The following EFCAB6 variants were observed in gnomAD, a reference collection of about 807,000 sequenced individuals.
The protein encoded by EFCAB6 is EF-hand calcium binding domain 6, also known as EF-hand calcium-binding domain-containing protein 6.
Under a neutral mutation model 169.8 loss-of-function variants are expected in EFCAB6, and 156 were observed. That is an observed-to-expected ratio of 0.92 (90% CI 0.81 to 1.05). EFCAB6 has a LOEUF of 1.05. EFCAB6 is among the 50% of genes least tolerant of loss of function. The pLI, the probability that EFCAB6 is intolerant of heterozygous loss-of-function variation, is 0.00. For missense variants in EFCAB6, 1,800 were observed against 1,829.1 expected (o/e 0.98, Z 0.29); for synonymous variants, 698 against 676.4 (o/e 1.03, Z -0.50).
intron 24 of EFCAB6, among the ~76,000 whole-genome samples, chr22:43,589,364 G>A (rs550523591): frequency 7.3e-6 from 1 of 136,790 alleles, no homozygotes; most frequent in East Asian, 2.6e-4. Flanking sequence ...CAGTCAACAG[G>A]ATTGGAAGTT....
intron 23 of EFCAB6, among the ~76,000 whole-genome samples, chr22:43,598,857 G>A (rs576762600): frequency 6.6e-6 from 1 of 152,174 alleles, no homozygotes; most frequent in South Asian, 2.1e-4. Context: ...TTGAGATGAT[G>A]GATATACCGA....
intron 26 of EFCAB6, among the ~76,000 whole-genome samples, chr22:43,574,268 A>AAT (rs893406354): frequency 6.6e-6 from 1 of 152,208 alleles, no homozygotes; most frequent in African/African-American, 2.4e-5. Flanking sequence ...AAGATACATG[A>AAT]ATATATACAC....
chr22:43,635,628 GT>G (rs1166520854), intron 17 of EFCAB6, among the ~76,000 whole-genome samples: 1 of 152,140 alleles, frequency 6.6e-6, no homozygotes, highest in Non-Finnish European at 1.5e-5. Flanking sequence ...GAAAACTGAA[GT>G]TTTCATTCAA....
At chr22:43,811,677 C>A (rs577767628) in intron 1 of EFCAB6, among the ~76,000 whole-genome samples, 2 of 152,186 alleles carry the variant, frequency 1.3e-5, no homozygotes, top group South Asian at 4.2e-4. Flanking sequence ...CAGAAACTTC[C>A]TAAGATAGTT....
At chr22:43,603,314 AC>A (rs1377567987) in intron 22 of EFCAB6, among the ~76,000 whole-genome samples, 1 of 152,180 alleles carries the variant, frequency 6.6e-6, no homozygotes, top group Non-Finnish European at 1.5e-5. Context: ...ACATAACCTC[AC>A]CCTTCATTGT....
At chr22:43,609,548 T>C (rs1480102216) in intron 21 of EFCAB6, among the ~76,000 whole-genome samples, 1 of 152,068 alleles carries the variant, frequency 6.6e-6, no homozygotes, top group Non-Finnish European at 1.5e-5. Context: ...AAAGATAACA[T>C]TTACAAAAGG....
chr22:43,768,834 C>T (rs2061391149), intron 4 of EFCAB6, among the ~76,000 whole-genome samples: 1 of 152,156 alleles, frequency 6.6e-6, no homozygotes, highest in African/African-American at 2.4e-5. Context: ...TAGATCATGA[C>T]TATAAGGACA....
chr22:43,631,689 G>A lies in EFCAB6; in HGVS notation c.2232+416C>T, dbSNP rs901737151. On this transcript the variant is annotated intron_variant, in intron 19 of 31. Transcript: ENST00000262726. ...GGGATTAGACCGAGCTCCCTGGGGT[G>A]GGGCTGGTAGCTTTCATCCCCAGCA... 1.3e-4 allele frequency among the ~76,000 whole-genome samples: 20 copies of A among 152,070 alleles called. 1 individual carries two copies. The highest frequency in any genetic ancestry group is 4.8e-4 in the African/African-American group (20 of 41,300).
chr22:43,590,711 T>A (rs2051432564), intron 23 of EFCAB6, among the ~76,000 whole-genome samples: 1 of 131,422 alleles, frequency 7.6e-6, no homozygotes, highest in African/African-American at 2.9e-5. Flanking sequence ...AAGACAGAGG[T>A]ACAGCACGGT....
chr22:43,606,651 G>A (rs2052936277), intron 22 of EFCAB6, among the ~76,000 whole-genome samples: 1 of 152,248 alleles, frequency 6.6e-6, no homozygotes, highest in Non-Finnish European at 1.5e-5. Context: ...GCATCTGGCT[G>A]CAGAGCTGTT....
chr22:43,672,365 T>C, intron 13 of EFCAB6, 60 bp from the exon 14 acceptor site: 1 of 1,563,288 alleles, frequency 6.4e-7, no homozygotes, highest in Non-Finnish European at 8.8e-7. Context: ...TTAGGAGCTT[T>C]GGAGGCAGGT....
chr22:43,725,999 G>T (rs1217898402), intron 8 of EFCAB6, among the ~76,000 whole-genome samples: 1 of 152,146 alleles, frequency 6.6e-6, no homozygotes, highest in African/African-American at 2.4e-5. Flanking sequence ...TGTGGTACCA[G>T]TTAGGAGGCA....
intron 20 of EFCAB6, among the ~76,000 whole-genome samples, chr22:43,619,618 T>C (rs1427042470): frequency 1.3e-5 from 2 of 152,168 alleles, no homozygotes; most frequent in Non-Finnish European, 2.9e-5. Context: ...TGACGTTTAC[T>C]GGATTGGGTC....
chr22:43,729,450 C>G (rs1380169413), intron 8 of EFCAB6, among the ~76,000 whole-genome samples: 1 of 152,062 alleles, frequency 6.6e-6, no homozygotes, highest in South Asian at 2.1e-4. Context: ...CAAACCATAT[C>G]ACCCTAGAAC....
At chr22:43,699,437 C>T (rs1042905245) in intron 10 of EFCAB6, among the ~76,000 whole-genome samples, 3 of 152,182 alleles carry the variant, frequency 2.0e-5, no homozygotes, top group African/African-American at 4.8e-5. Flanking sequence ...TCCCCCTGTT[C>T]GTATCCCTGA....
intron 17 of EFCAB6, among the ~76,000 whole-genome samples, chr22:43,664,658 G>C (rs2057162387): frequency 6.6e-6 from 1 of 152,244 alleles, no homozygotes; most frequent in South Asian, 2.1e-4. Flanking sequence ...GATCTTGGCA[G>C]AGGGCATGGC....
intron 17 of EFCAB6, among the ~76,000 whole-genome samples, chr22:43,649,902 A>C (rs1374438087): frequency 6.6e-6 from 1 of 152,208 alleles, no homozygotes; most frequent in East Asian, 1.9e-4. Context: ...AAGCAAGTAA[A>C]GTATGTGAGG....
At chr22:43,591,120 T>G (rs1441318335) in intron 23 of EFCAB6, among the ~76,000 whole-genome samples, 3 of 130,502 alleles carry the variant, frequency 2.3e-5, no homozygotes, top group African/African-American at 8.7e-5. Context: ...TGTTTTTTTT[T>G]TTTGTTTTTT....
At position 43,795,019 on chromosome 22, in the gene EFCAB6, A is replaced by G. The variant is rs2062450570; in HGVS notation, c.-7-12694T>C. Among the ~76,000 whole-genome samples the G allele has an allele frequency of 6.6e-6, 1 of 152,148 alleles. No individual in the cohort carries two copies. Among genetic ancestry groups the G allele is most frequent in the South Asian group, 2.1e-4 (1 of 4,828 alleles). On this transcript the variant is annotated intron_variant, in intron 2 of 31. Coordinates refer to ENST00000262726, the MANE Select transcript of EFCAB6 (RefSeq NM_022785.4). The surrounding 1 kb of genome is among the most constrained non-coding windows in gnomAD (Gnocchi z 4.2). Reference sequence around the variant, plus strand: ...TTTGGGACACAGTCTCCCTCCACCAAGGAGCTCCCCAGGCCCTGTACAGCC... The same window carrying G: ...TTTGGGACACAGTCTCCCTCCACCAGGGAGCTCCCCAGGCCCTGTACAGCC...
Sources: allele counts gnomAD v4.1 joint callset (sites outside exome capture counted in the v4.1 genomes callset), GRCh38; gene constraint gnomAD v4.1.1; non-coding constraint Gnocchi (gnomAD v3.1); transcripts MANE v1.5; gene names NCBI Gene and HGNC (gene_info 2026-07-23, HGNC 2026-07-21).